Variants in VPS13B observed in about 807,000 individuals in gnomAD.
VPS13B encodes the protein intermembrane lipid transfer protein VPS13B.
In VPS13B, 285 loss-of-function variants were observed where a neutral mutation model predicts 426.4. The observed-to-expected ratio is 0.67, with a 90% CI of 0.61 to 0.74. VPS13B has a LOEUF of 0.74. Ranked by LOEUF, VPS13B falls within the 30% of genes least tolerant of loss-of-function variation. The pLI is 0.00. For synonymous variants in VPS13B, 1,676 were observed against 1,676.4 expected (o/e 1.00, Z 0.01); for missense variants, 4,537 against 4,782.6 (o/e 0.95, Z 1.51).
At chr8:99,057,166 A>G (rs949773625) in intron 3 of VPS13B, among the ~76,000 whole-genome samples, 2 of 151,986 alleles carry the variant, frequency 1.3e-5, no homozygotes, top group African/African-American at 4.8e-5. Flanking sequence ...TACATAGACA[A>G]TAATATCACC....
intron 17 of VPS13B, among the ~76,000 whole-genome samples, chr8:99,236,310 C>T (rs1008356860): frequency 2.6e-5 from 4 of 151,342 alleles, no homozygotes; most frequent in Non-Finnish European, 4.4e-5. Flanking sequence ...AGTGCAGTGG[C>T]GTGATCTCAG....
Position 99,331,510 on chromosome 8 carries a change from A to G in VPS13B, c.2825-52698A>G, listed in dbSNP as rs183047761. The stretch of plus-strand genomic sequence containing the variant: ...TAGCATAAACACCACTAGTAGTTGA[A>G]CTGGAATATCAATTTTAAAATTCTG... On this transcript the variant is annotated intron_variant, in intron 19 of 61. Transcript: ENST00000357162. Among the ~76,000 whole-genome samples, 417 of 151,932 alleles carry G rather than the reference A, an allele frequency of 2.7e-3. 6 individuals are homozygous for G. The highest frequency in any genetic ancestry group is 0.019 in the South Asian group (94 of 4,822).
At chr8:99,116,019 T>C (rs1847637925) in intron 7 of VPS13B, 145 bp downstream of exon 7, 3 of 875,510 alleles carry the variant, frequency 3.4e-6, no homozygotes, top group African/African-American at 3.4e-5. Context: ...TTTTACACTA[T>C]TTTAATTTTT....
rs529286074 is a variant in VPS13B at position 99,112,493 on chromosome 8, T to G, written c.762+1214T>G. Among the ~76,000 whole-genome samples, 7 of 152,332 alleles carry G rather than the reference T, an allele frequency of 4.6e-5. No individual in the cohort carries two copies. In the East Asian group the frequency reaches 1.4e-3, roughly 29 times the overall value. On this transcript the variant is annotated intron_variant, in intron 6 of 61. Coordinates refer to ENST00000357162, the MANE Select transcript of VPS13B (RefSeq NM_152564.5). ...TAGTGCTTAGTCACCTGTGTTTTACTTTTTTCCACACGGTGTATAATGCAT... is the reference window on the plus strand; with the variant it reads ...TAGTGCTTAGTCACCTGTGTTTTACGTTTTTCCACACGGTGTATAATGCAT...
chr8:99,426,758 T>G (rs1816732241), intron 21 of VPS13B, among the ~76,000 whole-genome samples: 1 of 107,342 alleles, frequency 9.3e-6, no homozygotes, highest in African/African-American at 4.6e-5. Flanking sequence ...TTTGATGGAG[T>G]TGTTTGTTTT....
chr8:99,729,420 C>T lies in VPS13B; in HGVS notation c.7050+8373C>T, dbSNP rs780859292. ...GCCTTACACCATTTTTAAATCCTGT[C>T]GCTGTCTTCCCCTAGTATCCTCTCA... On this transcript the variant is annotated intron_variant, in intron 39 of 61. Transcript: ENST00000357162. Among the ~76,000 whole-genome samples the T allele has an allele frequency of 5.3e-5, 8 of 152,314 alleles. No homozygotes were observed. In the East Asian group the frequency reaches 1.2e-3, roughly 22 times the overall value.
At chr8:99,776,678 A>T in intron 40 of VPS13B, 97 bp from the exon 41 acceptor site, 2 of 1,069,242 alleles carry the variant, frequency 1.9e-6, no homozygotes, top group East Asian at 4.8e-5. Flanking sequence ...TAGGATTTTC[A>T]GTACTAGTTT....
At chr8:99,603,953 G>T (rs1263865588) in intron 33 of VPS13B, among the ~76,000 whole-genome samples, 1 of 152,108 alleles carries the variant, frequency 6.6e-6, no homozygotes, top group Non-Finnish European at 1.5e-5. Flanking sequence ...TTTTAGCCTA[G>T]TAAATATAAA....
At chr8:99,082,605 T>G (rs1845547652) in intron 3 of VPS13B, among the ~76,000 whole-genome samples, 3 of 152,200 alleles carry the variant, frequency 2.0e-5, no homozygotes, top group Admixed American at 6.5e-5. Flanking sequence ...GGTCTAACAT[T>G]TAAGTCTTTA....
At chr8:99,440,599 C>A (rs1270603803) in intron 22 of VPS13B, among the ~76,000 whole-genome samples, 1 of 152,070 alleles carries the variant, frequency 6.6e-6, no homozygotes, top group African/African-American at 2.4e-5. Flanking sequence ...GGAACTCTCA[C>A]AACATATATT....
At chr8:99,261,033 C>T (rs1054307531) in intron 17 of VPS13B, among the ~76,000 whole-genome samples, 1 of 151,886 alleles carries the variant, frequency 6.6e-6, no homozygotes, top group Non-Finnish European at 1.5e-5. Flanking sequence ...TATACCCCCA[C>T]CCCAAAACAT....
At chr8:99,315,850 G>T (rs1428262922) in intron 19 of VPS13B, among the ~76,000 whole-genome samples, 1 of 152,004 alleles carries the variant, frequency 6.6e-6, no homozygotes, top group East Asian at 1.9e-4. Context: ...GTGTTCTTTG[G>T]GAGGTGTCAT....
intron 35 of VPS13B, among the ~76,000 whole-genome samples, chr8:99,690,541 A>G (rs986635766): frequency 4.6e-5 from 7 of 152,136 alleles, no homozygotes; most frequent in African/African-American, 1.7e-4. Context: ...ATCTGATACA[A>G]TATTTGCAAA....
chr8:99,547,461 G>T (rs1401681877), intron 30 of VPS13B, among the ~76,000 whole-genome samples: 1 of 151,764 alleles, frequency 6.6e-6, no homozygotes, highest in Non-Finnish European at 1.5e-5. Context: ...TTAACATTTT[G>T]TGGATCTCAA....
intron 20 of VPS13B, among the ~76,000 whole-genome samples, chr8:99,388,883 G>C (rs1814271992): frequency 6.6e-6 from 1 of 152,234 alleles, no homozygotes; most frequent in African/African-American, 2.4e-5. Context: ...GGGCACAGTG[G>C]CTCACGCCTA....
At chr8:99,518,019 G>A (rs1417291369) in intron 29 of VPS13B, among the ~76,000 whole-genome samples, 1 of 151,600 alleles carries the variant, frequency 6.6e-6, no homozygotes, top group African/African-American at 2.4e-5. Context: ...TCTGCATTAA[G>A]TGCTCTTTTT....
intron 2 of VPS13B, among the ~76,000 whole-genome samples, chr8:99,037,541 T>G (rs751272588): frequency 2.0e-5 from 3 of 152,138 alleles, no homozygotes; most frequent in Non-Finnish European, 4.4e-5. Context: ...TGTTACTGTG[T>G]TGCTGAACCA....
chr8:99,119,875 TTTTTTTGTTTG>T (rs946551498), intron 7 of VPS13B, among the ~76,000 whole-genome samples: 2 of 152,070 alleles, frequency 1.3e-5, no homozygotes, highest in Admixed American at 6.6e-5. Flanking sequence ...CATGGTGTTT[TTTTTTTGTTTG>T]TTTTTTGTTT....
intron 39 of VPS13B, among the ~76,000 whole-genome samples, chr8:99,764,211 A>G (rs537131237): frequency 6.6e-6 from 1 of 152,286 alleles, no homozygotes; most frequent in South Asian, 2.1e-4. Flanking sequence ...GTGTTAGAGT[A>G]GTGTACTAGG....
Sources: gnomAD v4.1 joint callset for allele counts (sites outside exome capture counted in the v4.1 genomes callset) on GRCh38, gnomAD v4.1.1 for gene constraint, MANE v1.5 for transcripts, NCBI Gene and HGNC (gene_info 2026-07-23, HGNC 2026-07-21) for gene names.